The following PTPRT variants were observed in gnomAD, a reference collection of about 807,000 sequenced individuals.
PTPRT encodes receptor-type tyrosine-protein phosphatase T.
A neutral mutation model predicts 176.8 loss-of-function variants in PTPRT; 56 were observed. The ratio of observed to expected loss-of-function variants is 0.32; its 90% CI spans 0.26 to 0.40. The LOEUF is 0.40. PTPRT is among the 10% of genes least tolerant of loss of function. The pLI, the probability that PTPRT is intolerant of heterozygous loss-of-function variation, is 1.00. For missense variants in PTPRT, 1,540 were observed against 1,908.2 expected (o/e 0.81, Z 3.60); for synonymous variants, 783 against 739.0 (o/e 1.06, Z -0.96).
intron 7 of PTPRT, among the ~76,000 whole-genome samples, chr20:42,625,796 C>T (rs1285771943): frequency 6.6e-6 from 1 of 152,004 alleles, no homozygotes; most frequent in African/African-American, 2.4e-5. Flanking sequence ...AATGGTTGAA[C>T]ACTCACAAGG....
intron 8 of PTPRT, among the ~76,000 whole-genome samples, chr20:42,460,580 T>A (rs1172551587): frequency 2.6e-5 from 4 of 152,170 alleles, no homozygotes; most frequent in Non-Finnish European, 5.9e-5. Context: ...ATCCCCATAA[T>A]CTCTACATGT....
At chr20:42,648,576 C>T (rs578157833) in intron 7 of PTPRT, among the ~76,000 whole-genome samples, 4 of 152,114 alleles carry the variant, frequency 2.6e-5, no homozygotes, top group African/African-American at 4.8e-5. Flanking sequence ...CCAAGAAGGC[C>T]GCTACAGCTG....
At chr20:42,130,223 C>A (rs1357333603) in intron 18 of PTPRT, among the ~76,000 whole-genome samples, 3 of 152,184 alleles carry the variant, frequency 2.0e-5, no homozygotes, top group African/African-American at 7.2e-5. Context: ...AAGAGTTGAG[C>A]AGCCAGATAG....
chr20:42,459,150 G>T (rs576964504), intron 8 of PTPRT, among the ~76,000 whole-genome samples: 10 of 152,322 alleles, frequency 6.6e-5, no homozygotes, highest in African/African-American at 2.4e-4. Context: ...TTATTTGGCA[G>T]AACCTTACTG....
chr20:42,404,396 A>T lies in PTPRT; in HGVS notation c.1560+43824T>A, dbSNP rs565003614. Among the ~76,000 whole-genome samples the T allele has an allele frequency of 3.3e-5, 5 of 152,220 alleles. No individual in the cohort carries two copies. In the South Asian group the frequency reaches 6.2e-4, roughly 19 times the overall value. ...AGATCTCACCTCCACACACCCTCCA[A>T]CATTCATTCAACCATCATTCTTAAA... On this transcript the variant is annotated intron_variant, in intron 9 of 30. Transcript: ENST00000373187.
chr20:42,931,027 GCCA>G (rs1306235711), intron 1 of PTPRT, among the ~76,000 whole-genome samples: 1 of 151,808 alleles, frequency 6.6e-6, no homozygotes, highest in Non-Finnish European at 1.5e-5. Context: ...CCCCATCTTA[GCCA>G]CCACCACCAC....
At chr20:43,160,308 C>T (rs1324173207) in intron 1 of PTPRT, among the ~76,000 whole-genome samples, 1 of 152,200 alleles carries the variant, frequency 6.6e-6, no homozygotes, top group Non-Finnish European at 1.5e-5. Context: ...ACGGACCAGG[C>T]TTGGTTACTG....
chr20:42,368,768 T>C (rs892732315), intron 9 of PTPRT, among the ~76,000 whole-genome samples: 8 of 152,312 alleles, frequency 5.3e-5, no homozygotes, highest in Non-Finnish European at 7.4e-5. Flanking sequence ...GCTAAAGTAA[T>C]AGCAATTGAA....
intron 12 of PTPRT, among the ~76,000 whole-genome samples, chr20:42,315,297 CAACTA>C (rs2057703499): frequency 1.3e-5 from 2 of 149,850 alleles, no homozygotes; most frequent in Non-Finnish European, 3.0e-5. Context: ...AATCACTAAT[CAACTA>C]AACCATGATT....
At chr20:43,068,735 C>T (rs1462123873) in intron 1 of PTPRT, among the ~76,000 whole-genome samples, 1 of 152,018 alleles carries the variant, frequency 6.6e-6, no homozygotes, top group African/African-American at 2.4e-5. Context: ...TAGAAAATCC[C>T]AATAACTACA....
chr20:43,016,041 A>C (rs778069320), intron 1 of PTPRT, among the ~76,000 whole-genome samples: 30 of 151,890 alleles, frequency 2.0e-4, no homozygotes, highest in Admixed American at 4.6e-4. Context: ...ACCATCCCCA[A>C]GCTGAAAGCA....
At chr20:42,718,730 C>T (rs565117553) in intron 6 of PTPRT, among the ~76,000 whole-genome samples, 3 of 151,992 alleles carry the variant, frequency 2.0e-5, no homozygotes, top group East Asian at 1.9e-4. Context: ...GGAGTGAGAC[C>T]GAGGAGGGCT....
At chr20:42,430,881 A>G (rs1199370147) in intron 9 of PTPRT, among the ~76,000 whole-genome samples, 3 of 152,240 alleles carry the variant, frequency 2.0e-5, no homozygotes, top group Non-Finnish European at 2.9e-5. Context: ...CTTCCCAGAC[A>G]TGATGACTGG....
At chr20:43,172,358 G>A (rs1281997189) in intron 1 of PTPRT, among the ~76,000 whole-genome samples, 25 of 152,278 alleles carry the variant, frequency 1.6e-4, no homozygotes, top group South Asian at 1.0e-3. Context: ...AATACAAATC[G>A]TATATGCAAT....
At chr20:42,562,219 A>G (rs1397977150) in intron 7 of PTPRT, among the ~76,000 whole-genome samples, 1 of 152,240 alleles carries the variant, frequency 6.6e-6, no homozygotes, top group African/African-American at 2.4e-5. Flanking sequence ...TATAGAGAAT[A>G]CATTTCCAGC....
intron 8 of PTPRT, among the ~76,000 whole-genome samples, chr20:42,459,237 A>C (rs1045922251): frequency 1.3e-5 from 2 of 152,216 alleles, no homozygotes; most frequent in Non-Finnish European, 2.9e-5. Context: ...TGATAACTGA[A>C]TTTGCATAGT....
intron 1 of PTPRT, among the ~76,000 whole-genome samples, chr20:43,055,951 A>G (rs1987217885): frequency 6.6e-6 from 1 of 152,240 alleles, no homozygotes; most frequent in Non-Finnish European, 1.5e-5. Flanking sequence ...AGAGTTCTCC[A>G]TGTGTCCGAA....
intron 1 of PTPRT, among the ~76,000 whole-genome samples, chr20:43,137,588 G>A (rs2013872536): frequency 6.6e-6 from 1 of 152,200 alleles, no homozygotes; most frequent in African/African-American, 2.4e-5. Flanking sequence ...GCCTCTGGCT[G>A]TTCTCCTCAC....
chr20:42,677,172 G>T (rs935557282), intron 7 of PTPRT, among the ~76,000 whole-genome samples: 6 of 151,944 alleles, frequency 3.9e-5, no homozygotes, highest in Admixed American at 3.3e-4. Flanking sequence ...GAGCCAGGAG[G>T]CATTTAAGAC....
Sources: allele counts gnomAD v4.1 joint callset (sites outside exome capture counted in the v4.1 genomes callset), GRCh38; gene constraint gnomAD v4.1.1; transcripts MANE v1.5; gene names NCBI Gene and HGNC (gene_info 2026-07-23, HGNC 2026-07-21).